The following TRIM71 variants were observed in gnomAD, a reference collection of about 807,000 sequenced individuals.
The protein encoded by TRIM71 is tripartite motif containing 71.
Under a neutral mutation model 61.2 loss-of-function variants are expected in TRIM71, and 9 were observed. The observed-to-expected ratio is 0.15, with a 90% CI of 0.09 to 0.26. The LOEUF (loss-of-function observed/expected upper bound fraction) is 0.26. Among genes scored for constraint, TRIM71 ranks in the 10% least tolerant of loss-of-function variants. The pLI, the probability that TRIM71 is intolerant of heterozygous loss-of-function variation, is 1.00. For missense variants in TRIM71, 998 were observed against 1,238.7 expected (o/e 0.81, Z 2.92); for synonymous variants, 645 against 553.2 (o/e 1.17, Z -2.33).
chr3:32,868,550 G>A (rs1187198952), intron 1 of TRIM71, among the ~76,000 whole-genome samples: 3 of 151,962 alleles, frequency 2.0e-5, no homozygotes, highest in South Asian at 2.1e-4. Context: ...ATCTCTGCAC[G>A]GAGTGACCCA....
chr3:32,863,897 G>T (rs896597247), intron 1 of TRIM71, among the ~76,000 whole-genome samples: 1 of 152,080 alleles, frequency 6.6e-6, no homozygotes. Context: ...GGCCAGGCTG[G>T]TCTCAAACTC....
chr3:32,880,567 T>G (rs1317667726), intron 2 of TRIM71, among the ~76,000 whole-genome samples: 1 of 152,182 alleles, frequency 6.6e-6, no homozygotes, highest in African/African-American at 2.4e-5. Context: ...TACAAATCCT[T>G]GAGTTAATTC....
chr3:32,830,836 T>A (rs903296471), intron 1 of TRIM71, among the ~76,000 whole-genome samples: 7 of 152,060 alleles, frequency 4.6e-5, no homozygotes, highest in Non-Finnish European at 1.0e-4. Context: ...GTTTTGATGT[T>A]TGTTTGTTTT....
At chr3:32,857,282 C>T (rs974632025) in intron 1 of TRIM71, among the ~76,000 whole-genome samples, 3 of 152,234 alleles carry the variant, frequency 2.0e-5, no homozygotes, top group African/African-American at 7.2e-5. Flanking sequence ...CCTCAGTCCT[C>T]CTGGGTCTGT....
rs527785382 is a variant in TRIM71 at position 32,865,101 on chromosome 3, A to G, written c.853-8717A>G. ...TTCCAGCACTTTGGGAGGCCGAGGCAGTCGGATCATGAGGTCAGGAGATTG... is the reference window on the plus strand; with the variant it reads ...TTCCAGCACTTTGGGAGGCCGAGGCGGTCGGATCATGAGGTCAGGAGATTG... On this transcript the variant is annotated intron_variant, in intron 1 of 3. Coordinates refer to ENST00000383763, the MANE Select transcript of TRIM71 (RefSeq NM_001039111.3). Among the ~76,000 whole-genome samples, 5 of 152,202 alleles carry G rather than the reference A, an allele frequency of 3.3e-5. No homozygotes were observed. In the South Asian group the frequency reaches 1.0e-3, roughly 32 times the overall value.
intron 1 of TRIM71, among the ~76,000 whole-genome samples, chr3:32,842,030 T>C (rs1431158914): frequency 6.6e-6 from 1 of 152,144 alleles, no homozygotes; most frequent in Non-Finnish European, 1.5e-5. Flanking sequence ...CCTGCTTTGC[T>C]CTAGCACCAT....
intron 2 of TRIM71, among the ~76,000 whole-genome samples, chr3:32,878,343 C>T (rs1447953999): frequency 2.6e-5 from 4 of 152,196 alleles, no homozygotes; most frequent in Non-Finnish European, 5.9e-5. Context: ...GGCATGGTGG[C>T]GCAAGCCTGT....
chr3:32,824,069 C>T (rs1261480635), intron 1 of TRIM71, among the ~76,000 whole-genome samples: 2 of 151,304 alleles, frequency 1.3e-5, no homozygotes, highest in Admixed American at 6.6e-5. Context: ...TGAGACTTGT[C>T]TCAAAAAAAG....
chr3:32,873,773 C>T, intron 1 of TRIM71, 45 bp from the exon 2 acceptor site: 1 of 1,425,302 alleles, frequency 7.0e-7, no homozygotes, highest in African/African-American at 1.4e-5. Context: ...CCTCCTCCTC[C>T]CGTCCTGCAT....
At position 32,893,760 on chromosome 3, in the gene TRIM71, G is replaced by C. The variant is rs775581396; in HGVS notation, c.*1949G>C. On this transcript the variant is annotated 3_prime_UTR_variant, in exon 4 of 4. Transcript: ENST00000383763. ...ACAAGTCAATCAAGTTGCTTTTCCC[G>C]TACACCTCTTTTGGACGTTTAATTT... is the stretch of plus-strand genomic sequence containing the variant. 1.3e-5 allele frequency: 2 copies of C among 151,602 alleles called. No homozygotes were observed. Among genetic ancestry groups the C allele is most frequent in the Non-Finnish European group, 2.9e-5 (2 of 68,008 alleles). The allele number at this position is 151,602 out of a possible 1,614,324, so 9.4% of individuals were successfully genotyped here.
chr3:32,896,102 T>A lies in TRIM71; in HGVS notation c.*4291T>A, dbSNP rs1697074503. ...TTACTGTTGTTCAGTATTATGAAAC[T>A]ACTGGTTAATCTGACCTATTGGAGG... On this transcript the variant is annotated 3_prime_UTR_variant, in exon 4 of 4. Transcript: ENST00000383763. The A allele has an allele frequency of 6.6e-6, 1 of 152,236 alleles. No individual in the cohort carries two copies. The highest frequency in any genetic ancestry group is 2.1e-4 in the South Asian group (1 of 4,832). 9.4% of individuals were successfully genotyped at this position (152,236 alleles called of 1,614,324 possible). A position where few individuals can be genotyped will look rare whatever the true frequency, so the allele number is the denominator to read the frequency against.
At chr3:32,888,473 A>G (rs9825469) in intron 3 of TRIM71, among the ~76,000 whole-genome samples, 2 of 130,102 alleles carry the variant, frequency 1.5e-5, no homozygotes, top group Admixed American at 7.8e-5. Context: ...AAAAAAAAAA[A>G]GGTGCCCTGT....
chr3:32,823,775 C>T (rs965384050), intron 1 of TRIM71, among the ~76,000 whole-genome samples: 1 of 149,026 alleles, frequency 6.7e-6, no homozygotes. Flanking sequence ...TAAAAAGATA[C>T]AGGGAAATCT....
intron 1 of TRIM71, 120 bp downstream of exon 1, chr3:32,819,052 C>A: frequency 8.7e-7 from 1 of 1,147,528 alleles, no homozygotes. Context: ...TTTGTATTTC[C>A]TTTGGCTACG....
rs556520101 is a variant in TRIM71 at position 32,839,351 on chromosome 3, C to G, written c.852+20419C>G. On this transcript the variant is annotated intron_variant, in intron 1 of 3. Transcript: ENST00000383763. ...GTTCAAGTGATTCTCTTGCCTCAGC[C>G]TCTTGAGTAGCTGGGATTACAGGTG... 5.3e-5 allele frequency among the ~76,000 whole-genome samples: 8 copies of G among 152,106 alleles called. No individual in the cohort carries two copies. In the South Asian group the frequency reaches 1.7e-3, roughly 32 times the overall value.
At chr3:32,832,088 G>A (rs886291942) in intron 1 of TRIM71, among the ~76,000 whole-genome samples, 1 of 151,912 alleles carries the variant, frequency 6.6e-6, no homozygotes, top group Non-Finnish European at 1.5e-5. Context: ...AAAAGGAAAA[G>A]GTGAATTGTG....
Position 32,849,006 on chromosome 3 carries a change from A to C in TRIM71, c.853-24812A>C, listed in dbSNP as rs554918593. On this transcript the variant is annotated intron_variant, in intron 1 of 3. Coordinates refer to ENST00000383763, the MANE Select transcript of TRIM71 (RefSeq NM_001039111.3). The stretch of plus-strand genomic sequence containing the variant: ...GTTAAGATGATATTTAAATTTTTTC[A>C]AACACTCTTATTTTAGGAAATGGGA... Among the ~76,000 whole-genome samples the C allele has an allele frequency of 2.6e-5, 4 of 152,262 alleles. No individual in the cohort carries two copies. The South Asian group carries it at 8.3e-4, about 32-fold the overall frequency.
chr3:32,871,580 C>T (rs1208598386), intron 1 of TRIM71, among the ~76,000 whole-genome samples: 1 of 152,198 alleles, frequency 6.6e-6, no homozygotes, highest in African/African-American at 2.4e-5. Context: ...ATTGCTTTAG[C>T]ACCAGGTCGT....
At chr3:32,847,578 T>G (rs1318321051) in intron 1 of TRIM71, among the ~76,000 whole-genome samples, 1 of 152,254 alleles carries the variant, frequency 6.6e-6, no homozygotes, top group Non-Finnish European at 1.5e-5. Context: ...GTTGTGCATT[T>G]TAAATGAGTT....
Sources: gnomAD v4.1 joint callset for allele counts (sites outside exome capture counted in the v4.1 genomes callset) on GRCh38, gnomAD v4.1.1 for gene constraint, MANE v1.5 for transcripts, NCBI Gene and HGNC (gene_info 2026-07-23, HGNC 2026-07-21) for gene names.